NSMCE2: variants seen among roughly 807,000 people sequenced by gnomAD.
NSMCE2 encodes E3 SUMO-protein ligase NSE2.
NSMCE2 carries 24 observed loss-of-function variants against 23.8 expected under a neutral mutation model. The ratio of observed to expected loss-of-function variants is 1.01; its 90% CI spans 0.73 to 1.42. The LOEUF (loss-of-function observed/expected upper bound fraction) is 1.42. Ranked by LOEUF, NSMCE2 falls within the 40% of genes most tolerant of loss-of-function variation. NSMCE2 has a pLI of 0.00. For synonymous variants in NSMCE2, 92 were observed against 94.1 expected (o/e 0.98, Z 0.13); for missense variants, 284 against 296.5 (o/e 0.96, Z 0.31).
At chr8:125,124,885 C>T (rs542567713) in intron 3 of NSMCE2, among the ~76,000 whole-genome samples, 22 of 151,614 alleles carry the variant, frequency 1.5e-4, no homozygotes, top group Non-Finnish European at 2.7e-4. Context: ...GCCTCCACCT[C>T]CTGGGTTCAA....
At chr8:125,248,813 G>A (rs574663652) in intron 5 of NSMCE2, among the ~76,000 whole-genome samples, 1 of 152,362 alleles carries the variant, frequency 6.6e-6, no homozygotes, top group South Asian at 2.1e-4. Context: ...GGTTTTACAG[G>A]GAAGGATATG....
intron 5 of NSMCE2, among the ~76,000 whole-genome samples, chr8:125,249,211 A>G (rs1228816576): frequency 6.6e-6 from 1 of 152,092 alleles, no homozygotes; most frequent in African/African-American, 2.4e-5. Flanking sequence ...GTGAAATTCA[A>G]TCTTGTACCA....
At chr8:125,342,087 G>A (rs1830274320) in intron 5 of NSMCE2, among the ~76,000 whole-genome samples, 1 of 152,038 alleles carries the variant, frequency 6.6e-6, no homozygotes. Flanking sequence ...GAAGGCAGTG[G>A]CCTTGATAAA....
At chr8:125,329,992 C>T (rs1460526222) in intron 5 of NSMCE2, among the ~76,000 whole-genome samples, 1 of 151,908 alleles carries the variant, frequency 6.6e-6, no homozygotes, top group Non-Finnish European at 1.5e-5. Flanking sequence ...CCATCATTAC[C>T]TAGAATCATT....
At chr8:125,139,268 T>C (rs1434351390) in intron 3 of NSMCE2, among the ~76,000 whole-genome samples, 1 of 152,226 alleles carries the variant, frequency 6.6e-6, no homozygotes, top group African/African-American at 2.4e-5. Context: ...CAGGGTACCC[T>C]GTACAGTGCT....
Position 125,294,774 on chromosome 8 carries a change from G to A in NSMCE2, c.419-62445G>A, listed in dbSNP as rs796105915. On this transcript the variant is annotated intron_variant, in intron 5 of 7. Transcript: ENST00000287437. Reference sequence around the variant, plus strand: ...CACTCATCTGGGAAATTTGTTTTGCGCTATGAATTCATTCACAGTGTTCCG... The same window carrying A: ...CACTCATCTGGGAAATTTGTTTTGCACTATGAATTCATTCACAGTGTTCCG... 2.6e-4 allele frequency among the ~76,000 whole-genome samples: 39 copies of A among 152,296 alleles called. No homozygotes were observed. In the East Asian group the frequency reaches 3.7e-3, roughly 14 times the overall value.
chr8:125,205,543 T>G (rs1824078072), intron 5 of NSMCE2, among the ~76,000 whole-genome samples: 1 of 152,222 alleles, frequency 6.6e-6, no homozygotes. Context: ...CCTTCTCTCT[T>G]GACTGGCTCA....
chr8:125,276,104 G>T (rs573045248), intron 5 of NSMCE2, among the ~76,000 whole-genome samples: 19 of 152,312 alleles, frequency 1.2e-4, no homozygotes, highest in African/African-American at 4.3e-4. Context: ...TCTTCCAGAA[G>T]TGGCTTTTTA....
In NSMCE2 at chr8:125,357,234, A is replaced by AC; in HGVS notation, c.435dup (p.Arg146GlnfsTer4). 1.2e-6 allele frequency: 2 copies of AC among 1,612,364 alleles called. No homozygotes were observed. Among genetic ancestry groups the AC allele is most frequent in the Non-Finnish European group, 1.7e-6 (2 of 1,178,440 alleles). ...TTTCCTCTAGGTGGTCTTCAAGCTGACAGAGAAGCTGACGGAACAGAAGGA... is the reference window on the plus strand; with the variant it reads ...TTTCCTCTAGGTGGTCTTCAAGCTGACCAGAGAAGCTGACGGAACAGAAGGA... On this transcript the variant is annotated frameshift_variant, in exon 6 of 8. Transcript: ENST00000287437. LOFTEE classifies it high-confidence loss of function.
At chr8:125,330,182 T>TTC (rs1554639384) in intron 5 of NSMCE2, among the ~76,000 whole-genome samples, 1 of 62,300 alleles carries the variant, frequency 1.6e-5, no homozygotes, top group Non-Finnish European at 2.7e-5. Context: ...TTTTTCTTTC[T>TTC]TTTTTTTTTT....
chr8:125,218,526 C>T lies in NSMCE2; in HGVS notation c.418+36270C>T, dbSNP rs188480839. ...TCTTGGGTTCAAGCAATTCTCATGCCTCAGCCTCCCGAGTAGCTGTGATTA... is the reference window on the plus strand; with the variant it reads ...TCTTGGGTTCAAGCAATTCTCATGCTTCAGCCTCCCGAGTAGCTGTGATTA... On this transcript the variant is annotated intron_variant, in intron 5 of 7. Coordinates refer to ENST00000287437, the MANE Select transcript of NSMCE2 (RefSeq NM_173685.4). Among the ~76,000 whole-genome samples, 9 of 151,948 alleles carry T rather than the reference C, an allele frequency of 5.9e-5. No homozygotes were observed. In the East Asian group the frequency reaches 1.7e-3, roughly 29 times the overall value.
chr8:125,296,983 T>A (rs1226376535), intron 5 of NSMCE2, among the ~76,000 whole-genome samples: 1 of 152,238 alleles, frequency 6.6e-6, no homozygotes, highest in African/African-American at 2.4e-5. Context: ...AGAGTATACT[T>A]AGAAATTCAG....
intron 5 of NSMCE2, chr8:125,348,218 A>G (rs941114212): frequency 1.2e-4 from 18 of 152,192 alleles, no homozygotes; most frequent in Admixed American, 9.8e-4. Context: ...AGAAGTATAT[A>G]ATGTTGATTT....
intron 3 of NSMCE2, among the ~76,000 whole-genome samples, chr8:125,144,665 C>T (rs978495672): frequency 2.4e-4 from 37 of 152,192 alleles, no homozygotes; most frequent in African/African-American, 7.9e-4. Flanking sequence ...CTTTCTTAGA[C>T]GATCCTTTCT....
At chr8:125,332,215 TAA>T (rs1563790045) in intron 5 of NSMCE2, among the ~76,000 whole-genome samples, 1 of 152,260 alleles carries the variant, frequency 6.6e-6, no homozygotes, top group African/African-American at 2.4e-5. Flanking sequence ...TCACCGATGC[TAA>T]GTCAAAATTT....
chr8:125,178,025 T>G (rs1322242572), intron 4 of NSMCE2, among the ~76,000 whole-genome samples: 2 of 152,198 alleles, frequency 1.3e-5, no homozygotes. Flanking sequence ...GAGTTGGTGA[T>G]TCTGCTTCTA....
At chr8:125,269,180 TGG>T (rs1010217313) in intron 5 of NSMCE2, among the ~76,000 whole-genome samples, 2 of 152,148 alleles carry the variant, frequency 1.3e-5, no homozygotes, top group African/African-American at 4.8e-5. Context: ...CTCCTCCTCC[TGG>T]GTTCCAGTGA....
intron 5 of NSMCE2, among the ~76,000 whole-genome samples, chr8:125,298,074 A>T (rs976405032): frequency 6.6e-6 from 1 of 152,154 alleles, no homozygotes; most frequent in Non-Finnish European, 1.5e-5. Context: ...CAGCCTGGCC[A>T]ACATGGTGAA....
chr8:125,098,817 A>G (rs1017807569), intron 1 of NSMCE2, among the ~76,000 whole-genome samples: 7 of 152,026 alleles, frequency 4.6e-5, no homozygotes, highest in African/African-American at 1.7e-4. Context: ...GTGGGAGAGA[A>G]GGAATGTGGG....
Sources: gnomAD v4.1 joint callset for allele counts (sites outside exome capture counted in the v4.1 genomes callset) on GRCh38, gnomAD v4.1.1 for gene constraint, MANE v1.5 for transcripts, NCBI Gene and HGNC (gene_info 2026-07-23, HGNC 2026-07-21) for gene names.